Variants in PSMD14 observed in about 807,000 individuals in gnomAD.
PSMD14 encodes ubiquitin C-terminal hydrolase PSMD14.
A neutral mutation model predicts 41.2 loss-of-function variants in PSMD14; 7 were observed. That is an observed-to-expected ratio of 0.17 (90% CI 0.10 to 0.32). PSMD14 has a LOEUF of 0.32. PSMD14 is among the 10% of genes least tolerant of loss of function. The probability of loss-of-function intolerance (pLI) is 1.00; values close to 1 mark genes in which losing one functional copy is unlikely to be tolerated. For missense variants in PSMD14, 139 were observed against 375.6 expected, an observed-to-expected ratio of 0.37 and a Z score of 5.21; for synonymous variants, 114 against 122.3, an observed-to-expected ratio of 0.93 and a Z score of 0.45.
chr2:161,310,835 C>T (rs1335237778), intron 1 of PSMD14, among the ~76,000 whole-genome samples: 1 of 152,160 alleles, frequency 6.6e-6, no homozygotes, highest in Non-Finnish European at 1.5e-5. Flanking sequence ...CTCTACACTG[C>T]TGTCCTTTCC....
chr2:161,314,517 AT>A (rs1232106379), intron 1 of PSMD14, among the ~76,000 whole-genome samples: 2 of 152,218 alleles, frequency 1.3e-5, no homozygotes, highest in South Asian at 2.1e-4. Context: ...AGGTAAAAAA[AT>A]ATCTTAGCAA....
chr2:161,320,094 A>G (rs1034774990), intron 3 of PSMD14, among the ~76,000 whole-genome samples: 1 of 152,154 alleles, frequency 6.6e-6, no homozygotes, highest in Non-Finnish European at 1.5e-5. Flanking sequence ...AGCTTCTAGA[A>G]TTTCTCTAAT....
chr2:161,316,941 T>C (rs959918112), intron 2 of PSMD14, among the ~76,000 whole-genome samples: 1 of 152,186 alleles, frequency 6.6e-6, no homozygotes, highest in African/African-American at 2.4e-5. Flanking sequence ...CACAGAGGGA[T>C]AGATAAACTG....
At chr2:161,369,813 A>C (rs1009418013) in intron 5 of PSMD14, among the ~76,000 whole-genome samples, 1 of 152,058 alleles carries the variant, frequency 6.6e-6, no homozygotes, top group Non-Finnish European at 1.5e-5. Context: ...GGTCTAACCA[A>C]TAGTTATGGT....
rs373893924 is a variant in PSMD14 at position 161,370,321 on chromosome 2, T to C, written c.311+144T>C. On this transcript the variant is annotated intron_variant, in intron 6 of 11. Coordinates refer to ENST00000409682, the MANE Select transcript of PSMD14 (RefSeq NM_005805.6). Reference sequence around the variant, plus strand: ...AAAGTATCTGTAAATATCAGTGCCATGCACCACCTGTCTAGTATATCTTCC... The same window carrying C: ...AAAGTATCTGTAAATATCAGTGCCACGCACCACCTGTCTAGTATATCTTCC... 2.3e-4 allele frequency: 146 copies of C among 630,170 alleles called. 1 individual carries two copies. In the South Asian group the frequency reaches 3.2e-3, roughly 14 times the overall value. The allele number at this position is 630,170 out of a possible 1,614,324, so 39.0% of individuals were successfully genotyped here.
intron 3 of PSMD14, among the ~76,000 whole-genome samples, chr2:161,335,126 T>C (rs1179720065): frequency 6.6e-6 from 1 of 152,224 alleles, no homozygotes; most frequent in Non-Finnish European, 1.5e-5. Flanking sequence ...TTTAAATAGG[T>C]AAATAGTTAT....
intron 5 of PSMD14, 119 bp from the exon 6 acceptor site, chr2:161,369,988 G>A: frequency 1.6e-6 from 1 of 634,416 alleles, no homozygotes; most frequent in Non-Finnish European, 2.7e-6. Flanking sequence ...ACTTGAGTAG[G>A]TATCAAATGT....
At chr2:161,402,811 G>A (rs1683898054) in intron 10 of PSMD14, among the ~76,000 whole-genome samples, 1 of 152,090 alleles carries the variant, frequency 6.6e-6, no homozygotes, top group African/African-American at 2.4e-5. Context: ...TATGCAAATG[G>A]TTACAAACAC....
chr2:161,341,734 G>A (rs1200033638), intron 3 of PSMD14, among the ~76,000 whole-genome samples: 1 of 151,208 alleles, frequency 6.6e-6, no homozygotes, highest in Non-Finnish European at 1.5e-5. Context: ...AGCTACTCAG[G>A]AGGCTGAGGC....
At chr2:161,370,712 G>A (rs765873591) in intron 6 of PSMD14, among the ~76,000 whole-genome samples, 3 of 152,110 alleles carry the variant, frequency 2.0e-5, no homozygotes, top group Non-Finnish European at 4.4e-5. Flanking sequence ...GCAGAACAGT[G>A]CAAATTGGTT....
chr2:161,375,887 TA>T (rs1683496308), intron 7 of PSMD14, among the ~76,000 whole-genome samples: 1 of 151,642 alleles, frequency 6.6e-6, no homozygotes, highest in African/African-American at 2.4e-5. Context: ...AAAATTAAAA[TA>T]AAAAGTTAGT....
chr2:161,356,398 GTAGT>G (rs1559045859), intron 3 of PSMD14, among the ~76,000 whole-genome samples: 1 of 152,130 alleles, frequency 6.6e-6, no homozygotes, highest in South Asian at 2.1e-4. Flanking sequence ...CAGTACAATG[GTAGT>G]TAGTTGTATG....
At chr2:161,395,224 T>A in intron 10 of PSMD14, 21 bp downstream of exon 10, 1 of 1,543,818 alleles carries the variant, frequency 6.5e-7, no homozygotes, top group Non-Finnish European at 8.8e-7. Flanking sequence ...CTTCTGCCAT[T>A]TCTTCTTTAT....
intron 3 of PSMD14, among the ~76,000 whole-genome samples, chr2:161,346,487 T>C (rs573220195): frequency 2.0e-5 from 3 of 151,648 alleles, no homozygotes; most frequent in Non-Finnish European, 4.4e-5. Context: ...GACTGACTTA[T>C]CTCCTTACTG....
intron 3 of PSMD14, among the ~76,000 whole-genome samples, chr2:161,363,056 G>T (rs1475280371): frequency 6.6e-6 from 1 of 152,214 alleles, no homozygotes; most frequent in Non-Finnish European, 1.5e-5. Context: ...GTGAGCAGCA[G>T]GCAAGTGAGC....
chr2:161,377,407 G>C (rs1683518078), intron 7 of PSMD14, among the ~76,000 whole-genome samples: 1 of 151,720 alleles, frequency 6.6e-6, no homozygotes, highest in Admixed American at 6.6e-5. Flanking sequence ...CTTATTATCA[G>C]TTTGAAGTTT....
chr2:161,370,231 A>G (rs959484299), intron 6 of PSMD14, 54 bp downstream of exon 6: 3 of 1,300,930 alleles, frequency 2.3e-6, no homozygotes, highest in East Asian at 2.5e-5. Context: ...TTATAGAAAC[A>G]TACCTCAAAG....
chr2:161,388,669 G>A (rs912479936), intron 8 of PSMD14, among the ~76,000 whole-genome samples: 5 of 152,116 alleles, frequency 3.3e-5, no homozygotes, highest in East Asian at 1.9e-4. Flanking sequence ...AGTTACCACC[G>A]TATTTTCAGT....
At chr2:161,375,237 T>TA (rs1683487422) in intron 7 of PSMD14, among the ~76,000 whole-genome samples, 2 of 152,012 alleles carry the variant, frequency 1.3e-5, no homozygotes, top group African/African-American at 4.8e-5. Flanking sequence ...TATATACATT[T>TA]AGTGTTAGTA....
Sources: allele counts gnomAD v4.1 joint callset (sites outside exome capture counted in the v4.1 genomes callset), GRCh38; gene constraint gnomAD v4.1.1; transcripts MANE v1.5; gene names NCBI Gene and HGNC (gene_info 2026-07-23, HGNC 2026-07-21).